WTAP: variants seen among roughly 807,000 people sequenced by gnomAD.
WTAP encodes pre-mRNA-splicing regulator WTAP.
WTAP carries 8 observed loss-of-function variants against 50.0 expected under a neutral mutation model. That is an observed-to-expected ratio of 0.16 (90% CI 0.09 to 0.29). The LOEUF is 0.29. Among genes scored for constraint, WTAP ranks in the 10% least tolerant of loss-of-function variants. The pLI is 1.00. For synonymous variants in WTAP, 194 were observed against 169.0 expected (o/e 1.15, Z -1.15); for missense variants, 295 against 470.7 (o/e 0.63, Z 3.45).
intron 1 of WTAP, among the ~76,000 whole-genome samples, chr6:159,733,759 C>G (rs949913922): frequency 6.6e-6 from 1 of 151,472 alleles, no homozygotes; most frequent in Non-Finnish European, 1.5e-5. Context: ...ACTAAAAATA[C>G]AAGGAAGTTA....
rs567213755 is a variant in WTAP at position 159,749,499 on chromosome 6, G to T, written c.452+1130G>T. 1.8e-4 allele frequency: 170 copies of T among 944,730 alleles called. 4 individuals carry two copies. In the South Asian group the frequency reaches 7.4e-3, roughly 41 times the overall value. The allele number at this position is 944,730 out of a possible 1,614,324, so 58.5% of individuals were successfully genotyped here. On this transcript the variant is annotated intron_variant, in intron 6 of 7. Coordinates refer to ENST00000621533, the MANE Select transcript of WTAP (RefSeq NM_001270531.2). ...ACTCTTTAACATTTTAATTTGGGGC[G>T]GGGAGGGCCTGTTGAGAGCAGATTC...
chr6:159,728,427 A>AAC (rs200285615), intron 1 of WTAP, among the ~76,000 whole-genome samples: 10,626 of 142,552 alleles, frequency 0.075, 762 homozygotes, highest in African/African-American at 0.19. Context: ...AAACAAAACA[A>AAC]AACAAAAAAA....
At chr6:159,728,430 C>A (rs59246098) in intron 1 of WTAP, among the ~76,000 whole-genome samples, 10,715 of 151,814 alleles carry the variant, frequency 0.071, 775 homozygotes, top group African/African-American at 0.18. Context: ...CAAAACAAAA[C>A]AAAAAAACTA....
rs1779897803 is a variant in WTAP, at chr6:159,753,627, T to TA, written c.607+13_607+14insA. On this transcript the variant is annotated intron_variant, in intron 7 of 7. Coordinates refer to ENST00000621533, the MANE Select transcript of WTAP (RefSeq NM_001270531.2). ...AGCAGTCAGGATGGTAAGGGGTTTG[T>TA]TTCTTTTTGGAACGTTGTCTCAACT... 6.3e-7 allele frequency: 1 copy of TA among 1,591,176 alleles called. No individual in the cohort carries two copies. Among genetic ancestry groups the TA allele is most frequent in the African/African-American group, 1.4e-5 (1 of 73,710 alleles).
rs778564862 is a variant in WTAP at position 159,742,044 on chromosome 6, AC to A, written c.87-43del. ...AGATATCTTCTAGTTTATTTAATAAACTATTTTATCGTAACAACTAATGTAT... is the reference window on the plus strand; with the variant it reads ...AGATATCTTCTAGTTTATTTAATAAATATTTTATCGTAACAACTAATGTAT... On this transcript the variant is annotated intron_variant, in intron 3 of 7. Coordinates refer to ENST00000621533, the MANE Select transcript of WTAP (RefSeq NM_001270531.2). 5.9e-6 allele frequency: 8 copies of A among 1,361,534 alleles called. No homozygotes were observed. In the South Asian group the frequency reaches 7.5e-5, roughly 13 times the overall value. 84.3% of individuals were successfully genotyped at this position (1,361,534 alleles called of 1,614,324 possible). A position where few individuals can be genotyped will look rare whatever the true frequency, so the allele number is the denominator to read the frequency against.
At chr6:159,742,247 G>T in intron 4 of WTAP, 101 bp downstream of exon 4, 1 of 1,043,658 alleles carries the variant, frequency 9.6e-7, no homozygotes, top group Non-Finnish European at 1.4e-6. Flanking sequence ...AATTTTTCTC[G>T]TGTTTTATTA....
chr6:159,740,804 C>T (rs1428096207), intron 3 of WTAP, among the ~76,000 whole-genome samples: 1 of 151,252 alleles, frequency 6.6e-6, no homozygotes, highest in African/African-American at 2.4e-5. Context: ...CCCGGTCAAG[C>T]GGTTCTCCTG....
intron 2 of WTAP, chr6:159,736,838 A>G (rs1457964195): frequency 6.6e-6 from 1 of 152,178 alleles, no homozygotes; most frequent in Admixed American, 6.6e-5. Context: ...ACACACATAC[A>G]CACACACAGT....
At chr6:159,742,183 T>A in intron 4 of WTAP, 37 bp downstream of exon 4, 1 of 1,495,068 alleles carries the variant, frequency 6.7e-7, no homozygotes, top group Non-Finnish European at 9.1e-7. Flanking sequence ...GACTGAATAA[T>A]CTCCTTTTGA....
chr6:159,742,594 A>G (rs935356594), intron 4 of WTAP, among the ~76,000 whole-genome samples: 1 of 152,204 alleles, frequency 6.6e-6, no homozygotes, highest in Non-Finnish European at 1.5e-5. Context: ...TCTGCTGAAA[A>G]TAACGTTTAT....
chr6:159,736,417 G>T lies in WTAP; in HGVS notation c.30+122G>T, dbSNP rs540460170. On this transcript the variant is annotated intron_variant, in intron 2 of 7. Transcript: ENST00000621533. ...TTGTTTGCTTATTTTTCATTTCTTT[G>T]CCTTTATAACAATAATAGCATTGGA... The T allele has an allele frequency of 6.5e-5, 52 of 799,260 alleles. No individual in the cohort carries two copies. In the East Asian group the frequency reaches 7.1e-4, roughly 11 times the overall value. The allele number at this position is 799,260 out of a possible 1,614,324, so 49.5% of individuals were successfully genotyped here.
rs1005364378 is a variant in WTAP, at chr6:159,748,081, A to T, written c.274-110A>T. The stretch of plus-strand genomic sequence containing the variant: ...AGAGAATTTCAGGATCAAAGAGGGG[A>T]GGAGCTTAATGAAAGAGTTGGTAAA... On this transcript the variant is annotated intron_variant, in intron 5 of 7. Transcript: ENST00000621533. This position sits in a 1 kb window ranked among gnomAD's most constrained non-coding sequence, Gnocchi z 5.6. 66 of 1,307,626 alleles carry T rather than the reference A, an allele frequency of 5.0e-5. No homozygotes were observed. The highest frequency in any genetic ancestry group is 6.4e-5 in the Non-Finnish European group (61 of 958,736). 81.0% of individuals were successfully genotyped at this position (1,307,626 alleles called of 1,614,324 possible).
chr6:159,755,705 T>C lies in WTAP; in HGVS notation c.*94T>C. 2.3e-6 allele frequency: 3 copies of C among 1,298,604 alleles called. No homozygotes were observed. Among genetic ancestry groups the C allele is most frequent in the Non-Finnish European group, 2.9e-6 (3 of 1,025,372 alleles). The allele number at this position is 1,298,604 out of a possible 1,614,324, so 80.4% of individuals were successfully genotyped here. On this transcript the variant is annotated 3_prime_UTR_variant, in exon 8 of 8. Coordinates refer to ENST00000621533, the MANE Select transcript of WTAP (RefSeq NM_001270531.2). The stretch of plus-strand genomic sequence containing the variant: ...CATACTTTTGTCACAATTTGCCTTT[T>C]TGTGGGTGTACGTTTTGGTTTTTTT...
chr6:159,744,042 C>T (rs1583092373), intron 5 of WTAP, among the ~76,000 whole-genome samples: 1 of 151,974 alleles, frequency 6.6e-6, no homozygotes, highest in Non-Finnish European at 1.5e-5. Flanking sequence ...ATTAGTTCAT[C>T]AATTCCAGAC....
rs1779709284 is a variant in WTAP, at chr6:159,748,703, CAG to C, written c.452+336_452+337del. 8.0e-7 allele frequency: 1 copy of C among 1,251,642 alleles called. No individual in the cohort carries two copies. Among genetic ancestry groups the C allele is most frequent in the Non-Finnish European group, 1.0e-6 (1 of 999,378 alleles). 77.5% of individuals were successfully genotyped at this position (1,251,642 alleles called of 1,614,324 possible). A position where few individuals can be genotyped will look rare whatever the true frequency, so the allele number is the denominator to read the frequency against. Reference sequence around the variant, plus strand: ...TGTTTGAAGAAAATAGAGGGAGAAACAGAAGTCTTAAGTCTGTGGCACACTGT... The same window carrying C: ...TGTTTGAAGAAAATAGAGGGAGAAACAAGTCTTAAGTCTGTGGCACACTGT... On this transcript the variant is annotated intron_variant, in intron 6 of 7. Coordinates refer to ENST00000621533, the MANE Select transcript of WTAP (RefSeq NM_001270531.2). This position sits in a 1 kb window ranked among gnomAD's most constrained non-coding sequence, Gnocchi z 5.6.
At chr6:159,753,239 G>GT (rs1336958403) in intron 6 of WTAP, 2 of 568,128 alleles carry the variant, frequency 3.5e-6, no homozygotes, top group Non-Finnish European at 6.2e-6. Context: ...AGGTGTAGCT[G>GT]TTTGGGCACT....
intron 2 of WTAP, among the ~76,000 whole-genome samples, chr6:159,737,558 A>G (rs143012505): frequency 6.6e-6 from 1 of 152,134 alleles, no homozygotes; most frequent in East Asian, 1.9e-4. Flanking sequence ...CAGTGGTACA[A>G]TCTTGGCTCA....
chr6:159,748,900 T>C lies in WTAP; in HGVS notation c.452+531T>C, dbSNP rs1472187613. Reference sequence around the variant, plus strand: ...GCCAATAAGACTGTGGACTTCATGATTGTTGTTGAACTTCTGGGTCAAAAC... The same window carrying C: ...GCCAATAAGACTGTGGACTTCATGACTGTTGTTGAACTTCTGGGTCAAAAC... On this transcript the variant is annotated intron_variant, in intron 6 of 7. Transcript: ENST00000621533. This position sits in a 1 kb window ranked among gnomAD's most constrained non-coding sequence, Gnocchi z 5.6. The C allele has an allele frequency of 8.5e-7, 1 of 1,180,714 alleles. No individual in the cohort carries two copies. Among genetic ancestry groups the C allele is most frequent in the East Asian group, 3.7e-5 (1 of 27,162 alleles). The allele number at this position is 1,180,714 out of a possible 1,614,324, so 73.1% of individuals were successfully genotyped here.
At chr6:159,727,294 G>A (rs1270066546), upstream of WTAP, 8 of 1,282,214 alleles carry the variant, frequency 6.2e-6, no homozygotes, top group Non-Finnish European at 8.1e-6. Flanking sequence ...GTTCGGCGGC[G>A]GGCGAGTGAC....
Sources: gnomAD v4.1 joint callset for allele counts (sites outside exome capture counted in the v4.1 genomes callset) on GRCh38, gnomAD v4.1.1 for gene constraint, Gnocchi (gnomAD v3.1) non-coding constraint, MANE v1.5 for transcripts, NCBI Gene and HGNC (gene_info 2026-07-23, HGNC 2026-07-21) for gene names.